The following DEPDC5 variants were observed in gnomAD, a reference collection of about 807,000 sequenced individuals.
DEPDC5 encodes DEP domain containing 5, GATOR1 subcomplex subunit.
In DEPDC5, 73 loss-of-function variants were observed where a neutral mutation model predicts 217.3. The observed-to-expected ratio is 0.34, with a 90% CI of 0.28 to 0.41. The LOEUF is 0.41. Ranked by LOEUF, DEPDC5 falls within the 10% of genes least tolerant of loss-of-function variation. DEPDC5 has a pLI of 1.00. For missense variants in DEPDC5, 1,675 were observed against 2,070.1 expected (o/e 0.81, Z 3.70); for synonymous variants, 733 against 756.7 (o/e 0.97, Z 0.51).
chr22:31,846,494 G>A (rs1216996408), intron 30 of DEPDC5, among the ~76,000 whole-genome samples: 1 of 152,180 alleles, frequency 6.6e-6, no homozygotes, highest in Non-Finnish European at 1.5e-5. Context: ...GGTCACTGGA[G>A]TTTGGATTCC....
At chr22:31,820,007 A>C (rs1393009891) in intron 22 of DEPDC5, among the ~76,000 whole-genome samples, 2 of 152,132 alleles carry the variant, frequency 1.3e-5, no homozygotes, top group African/African-American at 4.8e-5. Flanking sequence ...TTCTGTTCTC[A>C]AGAAGATGAC....
intron 5 of DEPDC5, among the ~76,000 whole-genome samples, chr22:31,765,366 T>G (rs1243631663): frequency 2.6e-5 from 4 of 152,114 alleles, no homozygotes; most frequent in Non-Finnish European, 5.9e-5. Flanking sequence ...CTCGGCTCAC[T>G]GCAACTGGTG....
chr22:31,902,408 T>TTATATATATATATATATATATATATA (rs66813737), intron 41 of DEPDC5, among the ~76,000 whole-genome samples: 20 of 111,922 alleles, frequency 1.8e-4, no homozygotes, highest in Non-Finnish European at 2.5e-4. Flanking sequence ...CATCTCCTTA[T>TTATATATATATATATATATATATATA]TATATATATA....
At chr22:31,848,557 C>T (rs1048389673) in intron 31 of DEPDC5, among the ~76,000 whole-genome samples, 4 of 152,108 alleles carry the variant, frequency 2.6e-5, no homozygotes, top group African/African-American at 7.2e-5. Context: ...GGTTGGGATG[C>T]AGTGCACGGA....
intron 20 of DEPDC5, 33 bp from the exon 21 acceptor site, chr22:31,814,959 C>T (rs372082648): frequency 1.3e-5 from 21 of 1,612,318 alleles, no homozygotes; most frequent in Admixed American, 1.7e-5. Flanking sequence ...GCATCCCTCG[C>T]TTGATGGTAA....
chr22:31,879,440 T>C, intron 37 of DEPDC5, 85 bp from the exon 38 acceptor site: 3 of 1,307,054 alleles, frequency 2.3e-6, no homozygotes, highest in Non-Finnish European at 2.2e-6. Flanking sequence ...AGCGTGTTTT[T>C]AAGGTTTATC....
chr22:31,846,133 A>C (rs1294323160), intron 30 of DEPDC5, among the ~76,000 whole-genome samples: 1 of 152,050 alleles, frequency 6.6e-6, no homozygotes, highest in Non-Finnish European at 1.5e-5. Flanking sequence ...CTTGATAGTC[A>C]TGTTCTCCCC....
At chr22:31,861,537 TG>T (rs2092512744) in intron 33 of DEPDC5, 104 bp downstream of exon 33, 9 of 1,224,504 alleles carry the variant, frequency 7.3e-6, no homozygotes, top group Admixed American at 4.2e-5. Flanking sequence ...CAACTAAGTT[TG>T]GGGGGCAGTT....
chr22:31,868,433 T>C (rs896701480), intron 33 of DEPDC5, among the ~76,000 whole-genome samples: 4 of 152,062 alleles, frequency 2.6e-5, no homozygotes, highest in African/African-American at 9.7e-5. Context: ...TCATTTTATT[T>C]ATTTATTTTT....
Position 31,839,885 on chromosome 22 carries a change from C to T in DEPDC5, c.2515+1040C>T, listed in dbSNP as rs1460355531. Among the ~76,000 whole-genome samples the T allele has an allele frequency of 5.3e-5, 8 of 152,032 alleles. No homozygotes were observed. In the East Asian group the frequency reaches 9.6e-4, roughly 18 times the overall value. ...AATTTGGCTGGGCGTAATCCTAGCACGTTGGGAGGCTGAGGCAGGAGGATC... is the reference window on the plus strand; with the variant it reads ...AATTTGGCTGGGCGTAATCCTAGCATGTTGGGAGGCTGAGGCAGGAGGATC... On this transcript the variant is annotated intron_variant, in intron 27 of 42. Coordinates refer to ENST00000651528, the MANE Select transcript of DEPDC5 (RefSeq NM_001242896.3).
chr22:31,892,723 C>T (rs542991752), intron 38 of DEPDC5, among the ~76,000 whole-genome samples: 4 of 152,088 alleles, frequency 2.6e-5, no homozygotes, highest in African/African-American at 9.6e-5. Flanking sequence ...ATCCTTTGAC[C>T]TCCACCCCCA....
chr22:31,759,788 C>G (rs2082239598), intron 3 of DEPDC5, among the ~76,000 whole-genome samples: 1 of 146,530 alleles, frequency 6.8e-6, no homozygotes, highest in African/African-American at 2.5e-5. Context: ...GTTCAAGTGA[C>G]TCTTCTGCCT....
rs542384516 is a variant in DEPDC5, at chr22:31,837,089, G to A, written c.2288G>A (p.Arg763His). ...LPLTTDYFPD[R>H]QGLQNDYTEG... ...CTTACCACCGACTACTTCCCTGACC[G>A]CCAGGGCCTGCAGAATGACTACACA... Residue 763 changes from arginine to histidine, a missense_variant, in exon 26 of 43, where the codon CGC (arginine) becomes CAC (histidine). Around this residue, in one of 11 missense-constraint regions of DEPDC5, gnomAD observed 293 missense variants for 386.1 expected, o/e 0.76. Transcript: ENST00000651528. The A allele has an allele frequency of 3.3e-5, 54 of 1,614,090 alleles. 1 individual carries two copies. Among genetic ancestry groups the A allele is most frequent in the South Asian group, 2.0e-4 (18 of 91,076 alleles).
Position 31,769,065 on chromosome 22 carries a change from A to C in DEPDC5, c.413+202A>C, listed in dbSNP as rs149596825. 4,663 of 418,916 alleles carry C rather than the reference A, an allele frequency of 0.011. 36 individuals are homozygous for C. The highest frequency in any genetic ancestry group is 0.013 in the Non-Finnish European group (3,124 of 235,048). 25.9% of individuals were successfully genotyped at this position (418,916 alleles called of 1,614,324 possible). A position where few individuals can be genotyped will look rare whatever the true frequency, so the allele number is the denominator to read the frequency against. On this transcript the variant is annotated intron_variant, in intron 7 of 42. Transcript: ENST00000651528. ...CACGAGGTCAGGAGATCAGGACCATACTGGCTAACACGGTGAAACCCCGTC... is the reference window on the plus strand; with the variant it reads ...CACGAGGTCAGGAGATCAGGACCATCCTGGCTAACACGGTGAAACCCCGTC...
intron 18 of DEPDC5, among the ~76,000 whole-genome samples, chr22:31,806,978 C>T (rs924637093): frequency 1.5e-4 from 23 of 152,166 alleles, no homozygotes; most frequent in East Asian, 5.8e-4. Flanking sequence ...CGCCATTGCA[C>T]GCTAACCTGG....
In DEPDC5 at chr22:31,798,637, C is replaced by T. The variant is rs2148587839; in HGVS notation, c.927C>T (p.Ala309=). 1.2e-6 allele frequency: 2 copies of T among 1,611,652 alleles called. No individual in the cohort carries two copies. Among genetic ancestry groups the T allele is most frequent in the Non-Finnish European group, 1.7e-6 (2 of 1,178,496 alleles). ...CAGCACAAGGAAACTACCTGGAGGC[C>T]ATCAATCTGTCATTCAATGGTGAGT... ...STSAQGNYLE[A]INLSFNVFDK... Residue 309 remains alanine (A), a synonymous_variant, in exon 14 of 43, where the codon GCC becomes GCT. Coordinates refer to ENST00000651528, the MANE Select transcript of DEPDC5 (RefSeq NM_001242896.3).
chr22:31,788,599 G>A (rs2085284866), intron 10 of DEPDC5, among the ~76,000 whole-genome samples: 1 of 149,274 alleles, frequency 6.7e-6, no homozygotes. Flanking sequence ...TTGAGACAGA[G>A]TTTTGCTCTT....
intron 26 of DEPDC5, 32 bp downstream of exon 26, chr22:31,837,187 G>A (rs1247299228): frequency 6.2e-7 from 1 of 1,611,726 alleles, no homozygotes; most frequent in Non-Finnish European, 8.5e-7. Flanking sequence ...ACTTGGCTTG[G>A]TTGGTGAGGG....
intron 26 of DEPDC5, 133 bp downstream of exon 26, chr22:31,837,288 T>A: frequency 1.2e-6 from 1 of 825,872 alleles, no homozygotes; most frequent in South Asian, 2.2e-5. Context: ...ATAGAGGAGA[T>A]TAGCATGGCC....
Sources: gnomAD v4.1 joint callset for allele counts (sites outside exome capture counted in the v4.1 genomes callset) on GRCh38, gnomAD v4.1.1 for gene constraint, gnomAD v4.1.1 regional missense constraint, MANE v1.5 for transcripts, NCBI Gene and HGNC (gene_info 2026-07-23, HGNC 2026-07-21) for gene names.